Variants in HS6ST1 observed in about 807,000 individuals in gnomAD.
HS6ST1 encodes heparan sulfate 6-O-sulfotransferase 1, also known as heparan-sulfate 6-O-sulfotransferase 1.
Under a neutral mutation model 25.2 loss-of-function variants are expected in HS6ST1, and 3 were observed. The observed-to-expected ratio is 0.12, with a 90% CI of 0.05 to 0.31. The LOEUF is 0.31. HS6ST1 is among the 10% of genes least tolerant of loss of function. HS6ST1 has a pLI of 1.00. For synonymous variants in HS6ST1, 204 were observed against 275.1 expected, an observed-to-expected ratio of 0.74 and a Z score of 2.56; for missense variants, 310 against 609.6, an observed-to-expected ratio of 0.51 and a Z score of 5.18.
At position 128,318,206 on chromosome 2, in the gene HS6ST1, G is replaced by A; in HGVS notation, c.358C>T (p.Pro120Ser). ...TAGCAGGTGCACTTCTTCTGGCCGG[G>A]CCGGCAGTCGCACGGCACCTCGAGG... ...VRLEVPCDCR[P>S]GQKKCTCYRP... The change falls in exon 1 of 2, where the codon CCC becomes TCC. Residue 120 changes from proline (P) to serine (S), a missense_variant. By Grantham distance (74) the Pro-to-Ser change is moderately conservative (BLOSUM62 -1). Coordinates refer to ENST00000259241, the MANE Select transcript of HS6ST1 (RefSeq NM_004807.3). The surrounding 1 kb of genome is among the most constrained non-coding windows in gnomAD (Gnocchi z 5.7). 6.5e-7 allele frequency: 1 copy of A among 1,533,518 alleles called. No individual in the cohort carries two copies. Among genetic ancestry groups the A allele is most frequent in the Non-Finnish European group, 8.8e-7 (1 of 1,132,060 alleles). The allele number at this position is 1,533,518 out of a possible 1,614,324, so 95.0% of individuals were successfully genotyped here. A position where few individuals can be genotyped will look rare whatever the true frequency, so the allele number is the denominator to read the frequency against.
chr2:128,312,703 G>C (rs1694309374), intron 1 of HS6ST1, among the ~76,000 whole-genome samples: 1 of 152,158 alleles, frequency 6.6e-6, no homozygotes, highest in South Asian at 2.1e-4. Context: ...CATTGGGCAA[G>C]GCTTTGCAAT....
At chr2:128,312,435 A>T (rs980207947) in intron 1 of HS6ST1, among the ~76,000 whole-genome samples, 3 of 152,214 alleles carry the variant, frequency 2.0e-5, no homozygotes, top group African/African-American at 7.2e-5. Flanking sequence ...AGGGGACAAG[A>T]GTCACCCTGC....
At chr2:128,310,595 T>TTA (rs1553458038) in intron 1 of HS6ST1, among the ~76,000 whole-genome samples, 3 of 151,702 alleles carry the variant, frequency 2.0e-5, no homozygotes, top group African/African-American at 7.3e-5. Context: ...AGCCCCATCT[T>TTA]CACCACGGCT....
chr2:128,284,599 C>T (rs1693834895), intron 1 of HS6ST1, among the ~76,000 whole-genome samples: 1 of 149,168 alleles, frequency 6.7e-6, no homozygotes, highest in Admixed American at 6.9e-5. Flanking sequence ...CTCCTGGGCT[C>T]AAGCAATTCT....
chr2:128,276,952 A>C (rs1693705300), intron 1 of HS6ST1, among the ~76,000 whole-genome samples: 1 of 152,070 alleles, frequency 6.6e-6, no homozygotes, highest in Non-Finnish European at 1.5e-5. Context: ...GTGAAGGAGG[A>C]CCACCTCAAG....
chr2:128,295,081 T>C (rs4662791), intron 1 of HS6ST1, among the ~76,000 whole-genome samples: 88,002 of 151,988 alleles, frequency 0.58, 26,455 homozygotes, highest in East Asian at 0.79. Flanking sequence ...AACCAGCAAC[T>C]GAGTGACCAT....
intron 1 of HS6ST1, among the ~76,000 whole-genome samples, chr2:128,291,410 C>G (rs1300343333): frequency 6.6e-6 from 1 of 152,274 alleles, no homozygotes; most frequent in African/African-American, 2.4e-5. Flanking sequence ...GGCCATGGCA[C>G]TGGAGCAGCA....
intron 1 of HS6ST1, among the ~76,000 whole-genome samples, chr2:128,314,094 C>G (rs944057336): frequency 6.6e-5 from 10 of 152,110 alleles, no homozygotes; most frequent in African/African-American, 2.4e-4. Context: ...TTCATTGGCC[C>G]CAGTCACATG....
chr2:128,313,950 A>C (rs528565769), intron 1 of HS6ST1, among the ~76,000 whole-genome samples: 3 of 152,080 alleles, frequency 2.0e-5, no homozygotes, highest in African/African-American at 2.4e-5. Context: ...TAAAAAAAAA[A>C]AAAAAGGATT....
intron 1 of HS6ST1, among the ~76,000 whole-genome samples, chr2:128,284,792 C>T (rs1416916750): frequency 2.6e-5 from 4 of 152,172 alleles, no homozygotes; most frequent in East Asian, 1.9e-4. Flanking sequence ...CCAGCCCCAT[C>T]GTCCCTCTTA....
intron 1 of HS6ST1, among the ~76,000 whole-genome samples, chr2:128,298,789 T>C (rs939580809): frequency 2.0e-5 from 3 of 152,108 alleles, no homozygotes; most frequent in African/African-American, 7.2e-5. Flanking sequence ...CACTCAAAAA[T>C]GGTTAGAATG....
intron 1 of HS6ST1, among the ~76,000 whole-genome samples, chr2:128,291,078 T>G (rs1457197513): frequency 6.6e-6 from 1 of 152,186 alleles, no homozygotes; most frequent in African/African-American, 2.4e-5. Context: ...CCCTCTAAGA[T>G]CATGAATAAG....
intron 1 of HS6ST1, among the ~76,000 whole-genome samples, chr2:128,297,142 T>A (rs549224498): frequency 9.2e-5 from 14 of 152,262 alleles, no homozygotes; most frequent in African/African-American, 3.4e-4. Context: ...AAAACTTAAC[T>A]ACAAAGCTAT....
At chr2:128,286,459 A>G (rs372524683) in intron 1 of HS6ST1, among the ~76,000 whole-genome samples, 1 of 152,144 alleles carries the variant, frequency 6.6e-6, no homozygotes, top group Non-Finnish European at 1.5e-5. Context: ...GGGCTGGGGA[A>G]TGAATTCCAG....
chr2:128,300,103 C>T (rs948400753), intron 1 of HS6ST1, among the ~76,000 whole-genome samples: 1 of 152,182 alleles, frequency 6.6e-6, no homozygotes, highest in Non-Finnish European at 1.5e-5. Context: ...AGGACCCCAG[C>T]GGCTTCCTCT....
At chr2:128,306,858 G>GT (rs1694220127) in intron 1 of HS6ST1, among the ~76,000 whole-genome samples, 1 of 152,214 alleles carries the variant, frequency 6.6e-6, no homozygotes, top group Non-Finnish European at 1.5e-5. Flanking sequence ...GGCCTGGGGA[G>GT]TGAGGGCAGG....
chr2:128,287,271 A>C (rs1047462613), intron 1 of HS6ST1, among the ~76,000 whole-genome samples: 1 of 152,142 alleles, frequency 6.6e-6, no homozygotes, highest in Non-Finnish European at 1.5e-5. Context: ...CTCAGTGGAT[A>C]TATCCAGGGC....
At chr2:128,268,966 G>A in intron 1 of HS6ST1, 96 bp from the exon 2 acceptor site, 1 of 1,030,774 alleles carries the variant, frequency 9.7e-7, no homozygotes, top group Non-Finnish European at 1.5e-6. Flanking sequence ...ACAGGAGTTT[G>A]GGCTTCGCCT....
At chr2:128,286,276 T>C (rs2104921125) in intron 1 of HS6ST1, among the ~76,000 whole-genome samples, 1 of 152,242 alleles carries the variant, frequency 6.6e-6, no homozygotes, top group Non-Finnish European at 1.5e-5. Flanking sequence ...GAATCTATCG[T>C]GGCCGAGGTC....
Sources: allele counts gnomAD v4.1 joint callset (sites outside exome capture counted in the v4.1 genomes callset), GRCh38; gene constraint gnomAD v4.1.1; non-coding constraint Gnocchi (gnomAD v3.1); transcripts MANE v1.5; gene names NCBI Gene and HGNC (gene_info 2026-07-23, HGNC 2026-07-21).